Variants in ANTXR1 observed in about 807,000 individuals in gnomAD.
ANTXR1 encodes ANTXR cell adhesion molecule 1.
ANTXR1 carries 19 observed loss-of-function variants against 78.1 expected under a neutral mutation model. The ratio of observed to expected loss-of-function variants is 0.24; its 90% CI spans 0.17 to 0.36. The LOEUF (loss-of-function observed/expected upper bound fraction) is 0.36, where lower values mean the gene tolerates loss of function less well. ANTXR1 is among the 10% of genes least tolerant of loss of function. The pLI is 1.00. For synonymous variants in ANTXR1, 273 were observed against 260.5 expected (o/e 1.05, Z -0.46); for missense variants, 518 against 718.6 (o/e 0.72, Z 3.19).
intron 1 of ANTXR1, among the ~76,000 whole-genome samples, chr2:69,014,061 A>T (rs1670949880): frequency 1.3e-5 from 2 of 152,230 alleles, no homozygotes; most frequent in Admixed American, 1.3e-4. Context: ...TTTTAAAGCC[A>T]ATCGTCGCAT....
chr2:69,055,745 C>T (rs1022525927), intron 3 of ANTXR1, among the ~76,000 whole-genome samples: 5 of 151,942 alleles, frequency 3.3e-5, no homozygotes, highest in Admixed American at 2.0e-4. Flanking sequence ...TTTTGGAGTA[C>T]AATTTATGCT....
intron 1 of ANTXR1, among the ~76,000 whole-genome samples, chr2:69,015,526 G>A (rs10179502): frequency 0.092 from 13,988 of 151,786 alleles, 2,157 homozygotes; most frequent in African/African-American, 0.32. Flanking sequence ...ATGGTTCCTG[G>A]ACAAGTGATT....
chr2:69,142,893 C>T (rs946260330), intron 12 of ANTXR1, among the ~76,000 whole-genome samples: 1 of 152,112 alleles, frequency 6.6e-6, no homozygotes, highest in Non-Finnish European at 1.5e-5. Context: ...AGCCTTGTAC[C>T]TAGCAGTCCA....
intron 13 of ANTXR1, among the ~76,000 whole-genome samples, chr2:69,164,965 C>T (rs1673787174): frequency 6.6e-6 from 1 of 152,154 alleles, no homozygotes; most frequent in South Asian, 2.1e-4. Flanking sequence ...AAACATAGCC[C>T]CTGCATATCT....
At chr2:69,120,186 C>T (rs920828031) in intron 10 of ANTXR1, among the ~76,000 whole-genome samples, 2 of 152,042 alleles carry the variant, frequency 1.3e-5, no homozygotes, top group Admixed American at 1.3e-4. Context: ...AATAAAATGT[C>T]GAATAGCTCA....
chr2:69,245,506 G>A lies in ANTXR1; in HGVS notation c.*21G>A, dbSNP rs755132706. ...TCTAGAGCCCAAAGTTCCTGCTCTG[G>A]GCTCTCTCAGAAACTTCAGGAGATG... On this transcript the variant is annotated 3_prime_UTR_variant, in exon 18 of 18. Transcript: ENST00000303714. The A allele has an allele frequency of 1.9e-6, 3 of 1,613,238 alleles. No homozygotes were observed. In the South Asian group the frequency reaches 3.3e-5, roughly 18 times the overall value.
At chr2:69,024,129 G>C (rs1671276187) in intron 1 of ANTXR1, among the ~76,000 whole-genome samples, 1 of 152,176 alleles carries the variant, frequency 6.6e-6, no homozygotes, top group Non-Finnish European at 1.5e-5. Context: ...GGATCAGCAG[G>C]ATTGGATGAG....
At chr2:69,185,348 C>T (rs1344086251) in intron 16 of ANTXR1, among the ~76,000 whole-genome samples, 1 of 151,862 alleles carries the variant, frequency 6.6e-6, no homozygotes, top group Non-Finnish European at 1.5e-5. Context: ...AGACCAGCCC[C>T]GGCCAACATG....
At chr2:69,092,808 G>A (rs948024910) in intron 9 of ANTXR1, among the ~76,000 whole-genome samples, 2 of 152,292 alleles carry the variant, frequency 1.3e-5, no homozygotes, top group Non-Finnish European at 2.9e-5. Context: ...ATTCACCTCT[G>A]GGCTTTGTGT....
intron 17 of ANTXR1, among the ~76,000 whole-genome samples, chr2:69,200,384 G>A (rs567950155): frequency 2.6e-5 from 4 of 152,170 alleles, no homozygotes; most frequent in Non-Finnish European, 5.9e-5. Flanking sequence ...CAGTCACATG[G>A]GCACCATGTC....
chr2:69,139,610 G>C (rs1252340752), intron 12 of ANTXR1, among the ~76,000 whole-genome samples: 2 of 152,174 alleles, frequency 1.3e-5, no homozygotes, highest in African/African-American at 4.8e-5. Context: ...TAGATTCATG[G>C]TTGATCATAG....
intron 13 of ANTXR1, among the ~76,000 whole-genome samples, chr2:69,164,388 C>G (rs1673771641): frequency 6.6e-6 from 1 of 152,170 alleles, no homozygotes; most frequent in African/African-American, 2.4e-5. Context: ...GTATTAAGTG[C>G]TTATTTGAGA....
At chr2:69,049,083 C>T (rs1338985627) in intron 3 of ANTXR1, among the ~76,000 whole-genome samples, 7 of 152,100 alleles carry the variant, frequency 4.6e-5, no homozygotes, top group Non-Finnish European at 8.8e-5. Flanking sequence ...ATTCTCCAAA[C>T]TGTCATTCTT....
chr2:69,055,442 A>G (rs1225175074), intron 3 of ANTXR1, among the ~76,000 whole-genome samples: 1 of 152,194 alleles, frequency 6.6e-6, no homozygotes, highest in Non-Finnish European at 1.5e-5. Flanking sequence ...GTTGGTCACA[A>G]TGATGGTAAA....
intron 17 of ANTXR1, among the ~76,000 whole-genome samples, chr2:69,212,102 T>C (rs1675056264): frequency 6.6e-6 from 1 of 152,230 alleles, no homozygotes; most frequent in East Asian, 1.9e-4. Context: ...AGCTGGCTTC[T>C]ACCTCTATCT....
Position 69,162,521 on chromosome 2 carries a change from C to T in ANTXR1, c.1048-7727C>T, listed in dbSNP as rs374389172. ...GGAAACCTGAAACCTCTGGCAGGTT[C>T]GTCCCTCAACCCAGGCCTCATAGAA... On this transcript the variant is annotated intron_variant, in intron 13 of 17. Coordinates refer to ENST00000303714, the MANE Select transcript of ANTXR1 (RefSeq NM_032208.3). Among the ~76,000 whole-genome samples the T allele has an allele frequency of 1.4e-4, 22 of 152,276 alleles. No individual in the cohort carries two copies. In the Middle Eastern group the frequency reaches 0.01, roughly 71 times the overall value.
chr2:69,097,510 T>C (rs1472992376), intron 9 of ANTXR1, among the ~76,000 whole-genome samples: 1 of 152,230 alleles, frequency 6.6e-6, no homozygotes, highest in Non-Finnish European at 1.5e-5. Flanking sequence ...CCTCTCACTT[T>C]TCATTGTTTT....
At position 69,231,662 on chromosome 2, in the gene ANTXR1, G is replaced by A. The variant is rs530018563; in HGVS notation, c.1435-13563G>A. Among the ~76,000 whole-genome samples, 6 of 152,250 alleles carry A rather than the reference G, an allele frequency of 3.9e-5. No individual in the cohort carries two copies. In the South Asian group the frequency reaches 8.3e-4, roughly 21 times the overall value. On this transcript the variant is annotated intron_variant, in intron 17 of 17. Transcript: ENST00000303714. ...TCTCATGAAGCTGCAGTCAGATGGCGGCTGGGGCTGGAATCACTGGAAGGT... is the reference window on the plus strand; with the variant it reads ...TCTCATGAAGCTGCAGTCAGATGGCAGCTGGGGCTGGAATCACTGGAAGGT...
At chr2:69,226,797 C>T (rs1318615309) in intron 17 of ANTXR1, among the ~76,000 whole-genome samples, 2 of 152,146 alleles carry the variant, frequency 1.3e-5, no homozygotes, top group African/African-American at 4.8e-5. Context: ...GCTGAAATCC[C>T]CCCAAAGCTT....
Sources: allele counts gnomAD v4.1 joint callset (sites outside exome capture counted in the v4.1 genomes callset), GRCh38; gene constraint gnomAD v4.1.1; transcripts MANE v1.5; gene names NCBI Gene and HGNC (gene_info 2026-07-23, HGNC 2026-07-21).